CHN1: variants seen among roughly 807,000 people sequenced by gnomAD.
The protein encoded by CHN1 is N-chimaerin.
CHN1 carries 37 observed loss-of-function variants against 59.5 expected under a neutral mutation model. The observed-to-expected ratio is 0.62, with a 90% CI of 0.48 to 0.82. CHN1 has a LOEUF of 0.82. Among genes scored for constraint, CHN1 ranks in the 40% least tolerant of loss-of-function variants. CHN1 has a pLI of 0.00. For missense variants in CHN1, 469 were observed against 571.0 expected (o/e 0.82, Z 1.82); for synonymous variants, 206 against 200.4 (o/e 1.03, Z -0.24).
chr2:174,874,302 T>C (rs1179900813), intron 6 of CHN1, among the ~76,000 whole-genome samples: 1 of 152,226 alleles, frequency 6.6e-6, no homozygotes, highest in Non-Finnish European at 1.5e-5. Flanking sequence ...TCTTGGCCAG[T>C]CTGGACTGCT....
At chr2:174,896,120 T>TA (rs35763321) in intron 5 of CHN1, among the ~76,000 whole-genome samples, 16,508 of 148,694 alleles carry the variant, frequency 0.11, 1,905 homozygotes, top group African/African-American at 0.3. Flanking sequence ...AATCTAAAAT[T>TA]AAAAAAAAAA....
intron 8 of CHN1, among the ~76,000 whole-genome samples, chr2:174,817,798 T>C (rs998682964): frequency 6.6e-6 from 1 of 152,082 alleles, no homozygotes; most frequent in Non-Finnish European, 1.5e-5. Flanking sequence ...CCACCACGCC[T>C]GGCTAATTTT....
chr2:175,003,738 G>C (rs1206455317), intron 1 of CHN1, among the ~76,000 whole-genome samples: 1 of 152,228 alleles, frequency 6.6e-6, no homozygotes, highest in African/African-American at 2.4e-5. Flanking sequence ...CTTGGGCACA[G>C]TAAACACAGT....
At chr2:174,886,777 T>C (rs1454274462) in intron 5 of CHN1, among the ~76,000 whole-genome samples, 1 of 152,154 alleles carries the variant, frequency 6.6e-6, no homozygotes, top group Non-Finnish European at 1.5e-5. Context: ...GTTTAGGACT[T>C]AGTGTTCATT....
intron 6 of CHN1, chr2:174,847,652 C>T (rs1686574812): frequency 1.5e-6 from 2 of 1,322,082 alleles, no homozygotes; most frequent in African/African-American, 3.0e-5. Flanking sequence ...AGATTGGCCA[C>T]CGTAAGAAAG....
chr2:174,950,672 CA>C (rs1689997634), intron 2 of CHN1, among the ~76,000 whole-genome samples: 1 of 151,624 alleles, frequency 6.6e-6, no homozygotes, highest in African/African-American at 2.4e-5. Flanking sequence ...ACTACAAACT[CA>C]ATAATAGTCT....
chr2:174,969,216 G>A (rs572225087), intron 1 of CHN1, among the ~76,000 whole-genome samples: 3 of 152,200 alleles, frequency 2.0e-5, no homozygotes, highest in East Asian at 3.9e-4. Context: ...CTTCTGCTGC[G>A]TTCTCTCCAA....
intron 5 of CHN1, among the ~76,000 whole-genome samples, chr2:174,897,888 A>C (rs763263406): frequency 1.3e-5 from 2 of 152,196 alleles, no homozygotes; most frequent in African/African-American, 4.8e-5. Context: ...TCTCCAACTG[A>C]GTGACTTGCT....
At chr2:174,865,796 GA>G (rs1444100063) in intron 6 of CHN1, among the ~76,000 whole-genome samples, 1 of 152,068 alleles carries the variant, frequency 6.6e-6, no homozygotes, top group Non-Finnish European at 1.5e-5. Flanking sequence ...CTACCTCTTG[GA>G]ATAAGTTGTC....
chr2:174,841,166 C>T (rs900103862), intron 7 of CHN1, among the ~76,000 whole-genome samples: 4 of 152,252 alleles, frequency 2.6e-5, no homozygotes, highest in South Asian at 2.1e-4. Context: ...TGTTTCTTTT[C>T]GGATTATTAG....
At position 175,000,373 on chromosome 2, in the gene CHN1, A is replaced by G. The variant is rs2105474093; in HGVS notation, c.19+4521T>C. 2.0e-5 allele frequency among the ~76,000 whole-genome samples: 3 copies of G among 151,992 alleles called. No individual in the cohort carries two copies. In the South Asian group the frequency reaches 6.2e-4, roughly 32 times the overall value. ...ACCATGGTCTTGAACTCCCGACCTC[A>G]AGTGATCATCCACCTTAGCCTCTCA... On this transcript the variant is annotated intron_variant, in intron 1 of 12. Coordinates refer to ENST00000409900, the MANE Select transcript of CHN1 (RefSeq NM_001822.7).
At chr2:174,824,985 A>AT (rs1449201100) in intron 7 of CHN1, among the ~76,000 whole-genome samples, 1 of 152,156 alleles carries the variant, frequency 6.6e-6, no homozygotes, top group Non-Finnish European at 1.5e-5. Context: ...AGCAGTTAAC[A>AT]TTTTTTTCAG....
intron 6 of CHN1, among the ~76,000 whole-genome samples, chr2:174,848,173 C>CACTT (rs1300943322): frequency 6.6e-6 from 1 of 152,158 alleles, no homozygotes; most frequent in African/African-American, 2.4e-5. Context: ...TTGTGGGCTA[C>CACTT]ACTTACATAG....
intron 1 of CHN1, among the ~76,000 whole-genome samples, chr2:174,979,880 AAAAACAAAAC>A (rs567540328): frequency 9.2e-5 from 14 of 152,162 alleles, no homozygotes; most frequent in African/African-American, 1.2e-4. Context: ...ACTCCATCTC[AAAAACAAAAC>A]AAAACAAAAC....
At chr2:174,859,550 A>T (rs1687009206) in intron 6 of CHN1, among the ~76,000 whole-genome samples, 1 of 152,228 alleles carries the variant, frequency 6.6e-6, no homozygotes, top group South Asian at 2.1e-4. Flanking sequence ...GCACACTTTT[A>T]CACTGTCCCC....
intron 3 of CHN1, among the ~76,000 whole-genome samples, chr2:174,934,502 T>C (rs970132715): frequency 2.0e-5 from 3 of 152,102 alleles, no homozygotes; most frequent in Admixed American, 6.5e-5. Context: ...GCCCAGTTCC[T>C]AACAGGCCAC....
intron 1 of CHN1, among the ~76,000 whole-genome samples, chr2:174,981,492 C>T (rs1373303064): frequency 6.6e-6 from 1 of 152,162 alleles, no homozygotes; most frequent in Non-Finnish European, 1.5e-5. Flanking sequence ...AATTTAACTT[C>T]TCAGCAGATG....
chr2:174,859,646 A>G (rs1324634465), intron 6 of CHN1, among the ~76,000 whole-genome samples: 2 of 152,190 alleles, frequency 1.3e-5, no homozygotes, highest in Non-Finnish European at 1.5e-5. Context: ...CTTGTTTTTC[A>G]AAAGGCAAAT....
intron 5 of CHN1, among the ~76,000 whole-genome samples, chr2:174,879,329 C>A (rs142189354): frequency 6.6e-6 from 1 of 152,128 alleles, no homozygotes; most frequent in Admixed American, 6.5e-5. Flanking sequence ...AATAGCCAGA[C>A]GATGTCTGTT....
Sources: allele counts gnomAD v4.1 joint callset (sites outside exome capture counted in the v4.1 genomes callset), GRCh38; gene constraint gnomAD v4.1.1; transcripts MANE v1.5; gene names NCBI Gene and HGNC (gene_info 2026-07-23, HGNC 2026-07-21).